The following SLC2A1 variants were observed in gnomAD, a reference collection of about 807,000 sequenced individuals.
The protein encoded by SLC2A1 is solute carrier family 2 member 1.
A neutral mutation model predicts 46.6 loss-of-function variants in SLC2A1; 4 were observed. The observed-to-expected ratio is 0.09, with a 90% CI of 0.04 to 0.20. The LOEUF is 0.20. SLC2A1 is among the 10% of genes least tolerant of loss of function. The pLI is 1.00. For missense variants in SLC2A1, 352 were observed against 667.0 expected, an observed-to-expected ratio of 0.53 and a Z score of 5.20; for synonymous variants, 253 against 270.0, an observed-to-expected ratio of 0.94 and a Z score of 0.62.
At chr1:42,938,669 GC>G (rs1395665628) in intron 2 of SLC2A1, among the ~76,000 whole-genome samples, 1 of 152,178 alleles carries the variant, frequency 6.6e-6, no homozygotes, top group Admixed American at 6.5e-5. Flanking sequence ...AAGTCAGTGT[GC>G]CCACTGCAGG....
At chr1:42,949,455 C>T (rs555976644) in intron 1 of SLC2A1, among the ~76,000 whole-genome samples, 1 of 152,174 alleles carries the variant, frequency 6.6e-6, no homozygotes, top group African/African-American at 2.4e-5. Context: ...TTCCATCCTG[C>T]CAAGCCTTTT....
intron 1 of SLC2A1, among the ~76,000 whole-genome samples, chr1:42,950,266 G>A (rs1404606026): frequency 2.6e-5 from 4 of 152,216 alleles, no homozygotes; most frequent in Non-Finnish European, 5.9e-5. Flanking sequence ...GCAAAGCTGA[G>A]TGGCAGGCCG....
At chr1:42,958,347 G>A (rs890055397) in intron 1 of SLC2A1, among the ~76,000 whole-genome samples, 1 of 151,018 alleles carries the variant, frequency 6.6e-6, no homozygotes, top group Non-Finnish European at 1.5e-5. Context: ...CAGCAGGGCC[G>A]CGTGGACGGC....
chr1:42,944,196 G>A (rs911455057), intron 1 of SLC2A1, among the ~76,000 whole-genome samples: 1 of 152,200 alleles, frequency 6.6e-6, no homozygotes, highest in Non-Finnish European at 1.5e-5. Flanking sequence ...GAGAAAAAGA[G>A]CAGTTTGCTT....
Position 42,925,488 on chromosome 1 carries a change from A to C in SLC2A1, c.*1553T>G, listed in dbSNP as rs1230408225. 1 of 152,282 alleles carries C rather than the reference A, an allele frequency of 6.6e-6. No individual in the cohort carries two copies. The highest frequency in any genetic ancestry group is 2.1e-4 in the South Asian group (1 of 4,834). 9.4% of individuals were successfully genotyped at this position (152,282 alleles called of 1,614,324 possible). On this transcript the variant is annotated 3_prime_UTR_variant, in exon 10 of 10. Transcript: ENST00000426263. ...ACAGGAACCAAATCGGCATCTTCTC[A>C]TGAAATTCAGACTAGTGGCAGAAAA...
intron 1 of SLC2A1, among the ~76,000 whole-genome samples, chr1:42,950,904 G>A (rs999316184): frequency 6.6e-6 from 1 of 152,182 alleles, no homozygotes. Flanking sequence ...GAACCCGGGA[G>A]GCAGAGGTTG....
At chr1:42,928,506 C>T (rs924262835) in intron 8 of SLC2A1, among the ~76,000 whole-genome samples, 7 of 152,140 alleles carry the variant, frequency 4.6e-5, no homozygotes, top group Admixed American at 3.9e-4. Flanking sequence ...CTTCCTCCCC[C>T]ATAAAATGGG....
Position 42,929,806 on chromosome 1 carries a change from G to C in SLC2A1, c.680-26C>G. 6.2e-7 allele frequency: 1 copy of C among 1,614,210 alleles called. No homozygotes were observed. Among genetic ancestry groups the C allele is most frequent in the Non-Finnish European group, 8.5e-7 (1 of 1,180,008 alleles). ...CTGGGGGGACCGGAGGGAAGGTGAG[G>C]GTGGCTCAGAGTGGGAAGAAGGCCA... is the stretch of plus-strand genomic sequence containing the variant. On this transcript the variant is annotated intron_variant, in intron 5 of 9. Transcript: ENST00000426263. The surrounding 1 kb of genome is among the most constrained non-coding windows in gnomAD (Gnocchi z 6.0).
Position 42,929,483 on chromosome 1 carries a change from A to G in SLC2A1, c.867+110T>C. 1 of 1,239,008 alleles carries G rather than the reference A, an allele frequency of 8.1e-7. No homozygotes were observed. The highest frequency in any genetic ancestry group is 1.2e-6 in the Non-Finnish European group (1 of 847,566). 76.8% of individuals were successfully genotyped at this position (1,239,008 alleles called of 1,614,324 possible). ...TTACGGGCTTGGGGTCTAAAGGGAA[A>G]CTTCTTCGGCAGAGGCGTATCTGTT... On this transcript the variant is annotated intron_variant, in intron 6 of 9. Transcript: ENST00000426263. The surrounding 1 kb of genome is among the most constrained non-coding windows in gnomAD (Gnocchi z 6.0).
intron 3 of SLC2A1, 41 bp downstream of exon 3, chr1:42,931,005 A>G (rs1391582874): frequency 1.2e-6 from 2 of 1,611,010 alleles, no homozygotes; most frequent in East Asian, 4.5e-5. Flanking sequence ...GCAGGAGGGC[A>G]TGGGCCCTCC....
chr1:42,950,165 T>C (rs1245749188), intron 1 of SLC2A1, among the ~76,000 whole-genome samples: 2 of 152,236 alleles, frequency 1.3e-5, no homozygotes, highest in Non-Finnish European at 2.9e-5. Flanking sequence ...ATGTAAGAAT[T>C]ATATTAAATT....
intron 2 of SLC2A1, among the ~76,000 whole-genome samples, chr1:42,938,522 T>C (rs1444788678): frequency 2.0e-5 from 3 of 152,156 alleles, no homozygotes; most frequent in Non-Finnish European, 4.4e-5. Flanking sequence ...AGGAAGCCCT[T>C]TGGGGCCTGT....
chr1:42,958,494 C>G (rs1162323672), intron 1 of SLC2A1, 140 bp downstream of exon 1: 1 of 505,660 alleles, frequency 2.0e-6, no homozygotes, highest in Non-Finnish European at 2.9e-6. Flanking sequence ...GGACCCGCAC[C>G]GAGCCAGGCT....
At chr1:42,948,794 G>A (rs1279422920) in intron 1 of SLC2A1, among the ~76,000 whole-genome samples, 2 of 152,068 alleles carry the variant, frequency 1.3e-5, no homozygotes, top group Non-Finnish European at 2.9e-5. Context: ...AGCCGGGCAC[G>A]GTGGCTCACC....
rs1339043017 is a variant in SLC2A1, at chr1:42,958,710, G to A, written c.-59C>T. On this transcript the variant is annotated 5_prime_UTR_variant, in exon 1 of 10. Coordinates refer to ENST00000426263, the MANE Select transcript of SLC2A1 (RefSeq NM_006516.4). ...GGTACGCGGGTGGCGACGGGCGTGCGAGCGGCGCTCTCCCGCTCAGGCTCG... is the reference window on the plus strand; with the variant it reads ...GGTACGCGGGTGGCGACGGGCGTGCAAGCGGCGCTCTCCCGCTCAGGCTCG... 1.3e-6 allele frequency: 2 copies of A among 1,517,960 alleles called. No individual in the cohort carries two copies. The highest frequency in any genetic ancestry group is 2.4e-5 in the South Asian group (2 of 83,028). 94.0% of individuals were successfully genotyped at this position (1,517,960 alleles called of 1,614,324 possible). A position where few individuals can be genotyped will look rare whatever the true frequency, so the allele number is the denominator to read the frequency against.
intron 2 of SLC2A1, among the ~76,000 whole-genome samples, chr1:42,933,376 T>C (rs1643511980): frequency 6.6e-6 from 1 of 152,102 alleles, no homozygotes; most frequent in Non-Finnish European, 1.5e-5. Flanking sequence ...CCCCTGGCCT[T>C]ATTGCTGAAA....
At position 42,943,356 on chromosome 1, in the gene SLC2A1, T is replaced by A. The variant is rs759584880; in HGVS notation, c.19-35A>T. ...AACAAACCACACTGTTATAGGCGTGTCTGGGAGCAGGTTACTACAGGGCAG... is the reference window on the plus strand; with the variant it reads ...AACAAACCACACTGTTATAGGCGTGACTGGGAGCAGGTTACTACAGGGCAG... On this transcript the variant is annotated intron_variant, in intron 1 of 9. Coordinates refer to ENST00000426263, the MANE Select transcript of SLC2A1 (RefSeq NM_006516.4). 3 of 1,522,288 alleles carry A rather than the reference T, an allele frequency of 2.0e-6. No homozygotes were observed. In the East Asian group the frequency reaches 6.8e-5, roughly 35 times the overall value. The allele number at this position is 1,522,288 out of a possible 1,614,324, so 94.3% of individuals were successfully genotyped here.
At chr1:42,934,367 G>A (rs1643521540) in intron 2 of SLC2A1, among the ~76,000 whole-genome samples, 1 of 152,212 alleles carries the variant, frequency 6.6e-6, no homozygotes, top group African/African-American at 2.4e-5. Flanking sequence ...GCCCACAGCA[G>A]CACTTCCTGG....
At chr1:42,935,350 A>C (rs575290697) in intron 2 of SLC2A1, among the ~76,000 whole-genome samples, 2 of 152,198 alleles carry the variant, frequency 1.3e-5, no homozygotes, top group Admixed American at 1.3e-4. Context: ...GCCTAAGGAC[A>C]CCTGGGAATC....
Sources: allele counts gnomAD v4.1 joint callset (sites outside exome capture counted in the v4.1 genomes callset), GRCh38; gene constraint gnomAD v4.1.1; non-coding constraint Gnocchi (gnomAD v3.1); transcripts MANE v1.5; gene names NCBI Gene and HGNC (gene_info 2026-07-23, HGNC 2026-07-21).